RPE65: variants seen among roughly 807,000 people sequenced by gnomAD.
RPE65 encodes the protein retinoid isomerohydrolase.
In RPE65, 58 loss-of-function variants were observed where a neutral mutation model predicts 68.5. The observed-to-expected ratio is 0.85, with a 90% CI of 0.69 to 1.05. The LOEUF is 1.05. RPE65 is among the 50% of genes least tolerant of loss of function. RPE65 has a pLI of 0.00. For synonymous variants in RPE65, 220 were observed against 222.2 expected (o/e 0.99, Z 0.09); for missense variants, 643 against 629.9 (o/e 1.02, Z -0.22).
rs535002135 is a variant in RPE65 at position 68,434,452 on chromosome 1, G to T, written c.1129-2867C>A. 1.5e-3 allele frequency among the ~76,000 whole-genome samples: 231 copies of T among 152,132 alleles called. 2 individuals are homozygous for T. The South Asian group carries it at 0.02, about 13-fold the overall frequency. On this transcript the variant is annotated intron_variant, in intron 10 of 13. Transcript: ENST00000262340. ...GTGGACTAAGAATTAAAAGTAAATAGTGGAAGATTTTCAGAATAGGGAAAG... is the reference window on the plus strand; with the variant it reads ...GTGGACTAAGAATTAAAAGTAAATATTGGAAGATTTTCAGAATAGGGAAAG...
At chr1:68,441,844 A>C (rs3125905) in intron 5 of RPE65, among the ~76,000 whole-genome samples, 82,465 of 151,940 alleles carry the variant, frequency 0.54, 25,046 homozygotes, top group East Asian at 0.88. Context: ...CATTTTAGCA[A>C]CCTTATTTAA....
intron 6 of RPE65, among the ~76,000 whole-genome samples, chr1:68,439,994 C>G (rs1452452269): frequency 6.6e-6 from 1 of 152,066 alleles, no homozygotes; most frequent in African/African-American, 2.4e-5. Flanking sequence ...TTAAGATGCC[C>G]AAAGGATATA....
rs61751275 is a variant in RPE65, at chr1:68,449,861, A to C, written c.11+34T>G. ...TAGCACATTTATCATGAATCCATGA[A>C]GGTGTTTTAAAAAAGTCTCCCAGAG... On this transcript the variant is annotated intron_variant, in intron 1 of 13. Transcript: ENST00000262340. 3 of 1,610,414 alleles carry C rather than the reference A, an allele frequency of 1.9e-6. No individual in the cohort carries two copies. The African/African-American group carries it at 4.0e-5, about 22-fold the overall frequency.
Position 68,429,721 on chromosome 1 carries a change from C to T in RPE65, c.*55G>A. The T allele has an allele frequency of 6.2e-7, 1 of 1,608,770 alleles. No homozygotes were observed. The highest frequency in any genetic ancestry group is 8.5e-7 in the Non-Finnish European group (1 of 1,176,412). ...AAATTGAACAGAATTTGATTGCAGA[C>T]CTGAAGCTGATTTTCTCAGTTTTGC... is the stretch of plus-strand genomic sequence containing the variant. On this transcript the variant is annotated 3_prime_UTR_variant, in exon 14 of 14. Coordinates refer to ENST00000262340, the MANE Select transcript of RPE65 (RefSeq NM_000329.3).
At chr1:68,449,808 A>G in intron 1 of RPE65, 87 bp downstream of exon 1, 1 of 1,474,410 alleles carries the variant, frequency 6.8e-7, no homozygotes. Flanking sequence ...GTCATTAATC[A>G]ATGCCTTCTC....
intron 7 of RPE65, 24 bp downstream of exon 7, chr1:68,439,537 A>T: frequency 3.7e-6 from 6 of 1,609,960 alleles, no homozygotes; most frequent in Non-Finnish European, 5.1e-6. Context: ...TTTCCTGAAG[A>T]TTCATAGCAG....
In RPE65 at chr1:68,448,855, G is replaced by A. The variant is rs574476228; in HGVS notation, c.12-149C>T. ...CTAGTCTCAGCTGGGTGGGGGTGGG[G>A]GTGGGGGGAGAAGCGAAGGTGAGGG... On this transcript the variant is annotated intron_variant, in intron 1 of 13. Coordinates refer to ENST00000262340, the MANE Select transcript of RPE65 (RefSeq NM_000329.3). 2.3e-4 allele frequency: 79 copies of A among 340,470 alleles called. 1 individual carries two copies. Among genetic ancestry groups the A allele is most frequent in the Admixed American group, 4.0e-4 (10 of 25,270 alleles). 21.1% of individuals were successfully genotyped at this position (340,470 alleles called of 1,614,324 possible).
At position 68,444,620 on chromosome 1, in the gene RPE65, C is replaced by G. The variant is rs544763671; in HGVS notation, c.406G>C (p.Val136Leu). The change falls in exon 5 of 14, where the codon GTC (valine) becomes CTC (leucine). Residue 136 changes from valine to leucine, a missense_variant. Val to Leu is a conservative substitution (Grantham distance 32). Coordinates refer to ENST00000262340, the MANE Select transcript of RPE65 (RefSeq NM_000329.3). ...VEVTDNALVN[V>L]YPVGEDYYAC... is the part of the protein sequence containing the mutation. ...TAGTAATCTTCCCCCACTGGGTAGA[C>G]ATTAACAAGGGCATTGTCAGTAACC... The G allele has an allele frequency of 3.7e-6, 6 of 1,614,046 alleles. No homozygotes were observed. In the South Asian group the frequency reaches 6.6e-5, roughly 18 times the overall value.
chr1:68,430,995 C>T (rs1645821721), intron 13 of RPE65, 70 bp downstream of exon 13: 16 of 1,247,374 alleles, frequency 1.3e-5, no homozygotes, highest in Non-Finnish European at 1.9e-5. Flanking sequence ...AACCTTACTC[C>T]TTTCCTAACG....
At position 68,432,032 on chromosome 1, in the gene RPE65, GA is replaced by G. The variant is rs955979851; in HGVS notation, c.1129-448del. Among the ~76,000 whole-genome samples, 437 of 129,198 alleles carry G rather than the reference GA, an allele frequency of 3.4e-3. 1 individual carries two copies. Among genetic ancestry groups the G allele is most frequent in the African/African-American group, 0.012 (408 of 35,154 alleles). The allele number at this position is 129,198 out of a possible 152,430, so 84.8% of individuals were successfully genotyped here. On this transcript the variant is annotated intron_variant, in intron 10 of 13. Transcript: ENST00000262340. ...CGTAGAATATGTTTTGATTTTGCTTGAAAAAAAAAATCCTTACAGTTATGTT... is the reference window on the plus strand; with the variant it reads ...CGTAGAATATGTTTTGATTTTGCTTGAAAAAAAAATCCTTACAGTTATGTT...
chr1:68,429,105 T>C lies in RPE65; in HGVS notation c.*671A>G, dbSNP rs1645802057. The stretch of plus-strand genomic sequence containing the variant: ...ACTTGCTTTTATGTTACATAAGCTT[T>C]TAATATATAACTTAATCTCTGAGAT... On this transcript the variant is annotated 3_prime_UTR_variant, in exon 14 of 14. Coordinates refer to ENST00000262340, the MANE Select transcript of RPE65 (RefSeq NM_000329.3). 6.6e-6 allele frequency: 1 copy of C among 152,248 alleles called. No individual in the cohort carries two copies. Among genetic ancestry groups the C allele is most frequent in the Non-Finnish European group, 1.5e-5 (1 of 68,072 alleles). The allele number at this position is 152,248 out of a possible 1,614,324, so 9.4% of individuals were successfully genotyped here.
chr1:68,448,647 G>C lies in RPE65; in HGVS notation c.71C>G (p.Ser24Trp). The change falls in exon 2 of 14, where the codon TCG (serine) becomes TGG (tryptophan). Residue 24 changes from serine (S) to tryptophan (W), a missense_variant. Transcript: ENST00000262340. ...KLFETVEELSSPLTAHVTGRI... is the reference protein window; with the variant it reads ...KLFETVEELSWPLTAHVTGRI... The stretch of plus-strand genomic sequence containing the variant: ...ACCTGTTACATGAGCTGTGAGCGGC[G>C]AGGACAGTTCCTCCACAGTTTCAAA... 1 of 1,613,934 alleles carries C rather than the reference G, an allele frequency of 6.2e-7. No homozygotes were observed. The highest frequency in any genetic ancestry group is 1.1e-5 in the South Asian group (1 of 91,040).
intron 1 of RPE65, among the ~76,000 whole-genome samples, 200 bp from the exon 2 acceptor site, chr1:68,448,906 TGGGGAA>T (rs1645962261): frequency 1.5e-5 from 1 of 66,216 alleles, no homozygotes; most frequent in Non-Finnish European, 3.1e-5. Context: ...AGGCTGGGGG[TGGGGAA>T]GACTACTCAG....
intron 3 of RPE65, among the ~76,000 whole-genome samples, chr1:68,446,054 G>A (rs1280682134): frequency 6.6e-6 from 1 of 152,042 alleles, no homozygotes; most frequent in Admixed American, 6.6e-5. Context: ...CACGAAAGCA[G>A]AAGACAAAGT....
At chr1:68,439,493 C>T in intron 7 of RPE65, 68 bp downstream of exon 7, 1 of 1,569,334 alleles carries the variant, frequency 6.4e-7, no homozygotes, top group Non-Finnish European at 8.8e-7. Flanking sequence ...GGATTGGTAT[C>T]AAAGGTAGGC....
intron 7 of RPE65, 77 bp downstream of exon 7, chr1:68,439,484 G>A: frequency 6.4e-7 from 1 of 1,561,006 alleles, no homozygotes; most frequent in Non-Finnish European, 8.8e-7. Flanking sequence ...TTGTGATCAG[G>A]ATTGGTATCA....
intron 3 of RPE65, among the ~76,000 whole-genome samples, chr1:68,445,568 C>T (rs1645936931): frequency 2.6e-5 from 4 of 151,990 alleles, no homozygotes; most frequent in Admixed American, 1.3e-4. Flanking sequence ...GGCTGGAGTG[C>T]AGTGGCGCAA....
Position 68,439,325 on chromosome 1 carries a change from T to C in RPE65, c.726-2A>G. On this transcript the variant is annotated splice_acceptor_variant, in intron 7 of 13. Transcript: ENST00000262340. LOFTEE classifies it high-confidence loss of function. ...ATATAGTTGGGAGTCAGACCAAAAC[T>C]GTTCAGAAACACAAATGGGCTTGTG... 6.2e-7 allele frequency: 1 copy of C among 1,613,238 alleles called. No homozygotes were observed. The highest frequency in any genetic ancestry group is 8.5e-7 in the Non-Finnish European group (1 of 1,179,940).
At position 68,431,062 on chromosome 1, in the gene RPE65, T is replaced by C. The variant is rs568388625; in HGVS notation, c.1450+3A>G. On this transcript the variant is annotated splice_donor_region_variant and intron_variant, in intron 13 of 13. Coordinates refer to ENST00000262340, the MANE Select transcript of RPE65 (RefSeq NM_000329.3). ...ATTCAGACACAACAATTGCTTTCAT[T>C]ACCATCATCTTCTTCCAAGGCATCT... is the stretch of plus-strand genomic sequence containing the variant. The C allele has an allele frequency of 8.1e-6, 13 of 1,610,644 alleles. No individual in the cohort carries two copies. Among genetic ancestry groups the C allele is most frequent in the South Asian group, 6.6e-5 (6 of 91,020 alleles).
Sources: allele counts gnomAD v4.1 joint callset (sites outside exome capture counted in the v4.1 genomes callset), GRCh38; gene constraint gnomAD v4.1.1; transcripts MANE v1.5; gene names NCBI Gene and HGNC (gene_info 2026-07-23, HGNC 2026-07-21).